The following PSD3 variants were observed in gnomAD, a reference collection of about 807,000 sequenced individuals.
PSD3 encodes pleckstrin and Sec7 domain containing 3.
Under a neutral mutation model 105.5 loss-of-function variants are expected in PSD3, and 49 were observed. That is an observed-to-expected ratio of 0.46 (90% CI 0.37 to 0.59). PSD3 has a LOEUF of 0.59. PSD3 is among the 20% of genes least tolerant of loss of function. The pLI, the probability that PSD3 is intolerant of heterozygous loss-of-function variation, is 0.00. For missense variants in PSD3, 1,561 were observed against 1,263.8 expected, an observed-to-expected ratio of 1.24 and a Z score of -3.57; for synonymous variants, 557 against 457.8, an observed-to-expected ratio of 1.22 and a Z score of -2.77.
intron 11 of PSD3, among the ~76,000 whole-genome samples, chr8:18,604,246 G>A (rs892907635): frequency 6.6e-6 from 1 of 152,210 alleles, no homozygotes; most frequent in Non-Finnish European, 1.5e-5. Flanking sequence ...AGATGGAAAT[G>A]AGGAACTTAC....
At chr8:18,592,134 C>A (rs1205105873) in intron 12 of PSD3, among the ~76,000 whole-genome samples, 9 of 151,750 alleles carry the variant, frequency 5.9e-5, no homozygotes, top group Non-Finnish European at 8.8e-5. Flanking sequence ...TAAAGATGCT[C>A]AACAAGCTAA....
intron 2 of PSD3, among the ~76,000 whole-genome samples, chr8:18,922,702 G>A (rs756550020): frequency 6.6e-6 from 1 of 152,102 alleles, no homozygotes; most frequent in Non-Finnish European, 1.5e-5. Context: ...TTTCACCTGC[G>A]CTTCTGACTG....
chr8:19,046,319 CCAGGATAG>C (rs1405838130), intron 1 of PSD3, among the ~76,000 whole-genome samples: 8 of 152,210 alleles, frequency 5.3e-5, no homozygotes, highest in Middle Eastern at 3.4e-3. Flanking sequence ...ACCATATTGG[CCAGGATAG>C]TCTCGAACTC....
chr8:18,912,462 T>C (rs1179109266), intron 2 of PSD3, among the ~76,000 whole-genome samples: 2 of 152,210 alleles, frequency 1.3e-5, no homozygotes, highest in South Asian at 2.1e-4. Flanking sequence ...AATTTCTTTC[T>C]AAGCTTTCAG....
intron 1 of PSD3, among the ~76,000 whole-genome samples, chr8:19,023,228 T>G (rs1827421291): frequency 6.6e-6 from 1 of 152,192 alleles, no homozygotes; most frequent in African/African-American, 2.4e-5. Context: ...GTATTTCCTA[T>G]TTCTCACAGC....
At chr8:18,977,426 G>C (rs1471404116) in intron 1 of PSD3, among the ~76,000 whole-genome samples, 1 of 152,052 alleles carries the variant, frequency 6.6e-6, no homozygotes, top group Non-Finnish European at 1.5e-5. Context: ...GATTAAAGGA[G>C]CTAACAGATA....
intron 8 of PSD3, among the ~76,000 whole-genome samples, chr8:18,797,929 C>T (rs777260387): frequency 1.4e-4 from 21 of 152,014 alleles, no homozygotes; most frequent in Non-Finnish European, 2.4e-4. Flanking sequence ...TGTGGCCAAA[C>T]GCACTCAAAA....
chr8:18,850,815 G>T (rs1000646607), intron 4 of PSD3, among the ~76,000 whole-genome samples: 12 of 152,132 alleles, frequency 7.9e-5, no homozygotes, highest in African/African-American at 2.9e-4. Context: ...GACCAACAGA[G>T]GTTCCCCTGC....
chr8:18,643,338 A>T (rs1208306651), intron 10 of PSD3, among the ~76,000 whole-genome samples: 1 of 152,204 alleles, frequency 6.6e-6, no homozygotes, highest in African/African-American at 2.4e-5. Flanking sequence ...GACATATTCA[A>T]ACCATAGTAT....
chr8:18,615,297 C>T (rs955578180), intron 11 of PSD3, among the ~76,000 whole-genome samples: 3 of 152,120 alleles, frequency 2.0e-5, no homozygotes, highest in African/African-American at 7.2e-5. Context: ...CCAAAGCACT[C>T]ACCCAGTGAC....
intron 1 of PSD3, among the ~76,000 whole-genome samples, chr8:18,957,295 A>G (rs1163150649): frequency 6.6e-6 from 1 of 151,496 alleles, no homozygotes; most frequent in Non-Finnish European, 1.5e-5. Flanking sequence ...CACTTGAACC[A>G]GGGAGGCGGA....
chr8:18,645,172 C>T (rs953252374), intron 10 of PSD3, among the ~76,000 whole-genome samples: 9 of 152,208 alleles, frequency 5.9e-5, no homozygotes, highest in Admixed American at 4.6e-4. Context: ...CCTCCTAACA[C>T]TGCATTGGGG....
intron 9 of PSD3, among the ~76,000 whole-genome samples, chr8:18,707,566 A>G (rs1412280243): frequency 1.3e-5 from 2 of 152,214 alleles, no homozygotes; most frequent in Non-Finnish European, 2.9e-5. Context: ...AAAAAGTGCA[A>G]GACTATGAGA....
At chr8:18,579,370 C>A (rs1335419062) in intron 12 of PSD3, among the ~76,000 whole-genome samples, 2 of 152,036 alleles carry the variant, frequency 1.3e-5, no homozygotes, top group Non-Finnish European at 2.9e-5. Context: ...AAGATAAATC[C>A]AATCAAGAAA....
intron 9 of PSD3, among the ~76,000 whole-genome samples, chr8:18,673,621 C>G (rs149492705): frequency 6.6e-6 from 1 of 152,154 alleles, no homozygotes; most frequent in Non-Finnish European, 1.5e-5. Context: ...TCCCTCTCCC[C>G]CTCTGCTCTA....
At chr8:18,988,014 A>G (rs907934468) in intron 1 of PSD3, among the ~76,000 whole-genome samples, 1 of 146,242 alleles carries the variant, frequency 6.8e-6, no homozygotes, top group Non-Finnish European at 1.5e-5. Flanking sequence ...CGAACAAAAC[A>G]AAGCCCTTAA....
At chr8:18,702,979 G>C (rs1229359836) in intron 9 of PSD3, among the ~76,000 whole-genome samples, 1 of 151,980 alleles carries the variant, frequency 6.6e-6, no homozygotes, top group East Asian at 1.9e-4. Flanking sequence ...CCATTTTCAT[G>C]TTCTCCTAAA....
At chr8:18,907,227 C>T (rs1819905171) in intron 2 of PSD3, among the ~76,000 whole-genome samples, 1 of 152,162 alleles carries the variant, frequency 6.6e-6, no homozygotes, top group Admixed American at 6.5e-5. Flanking sequence ...ATGTCCTAGG[C>T]CTTCATATTC....
At chr8:18,614,807 T>G (rs34526501) in intron 11 of PSD3, among the ~76,000 whole-genome samples, 3,511 of 95,142 alleles carry the variant, frequency 0.037, 129 homozygotes, top group African/African-American at 0.12. Context: ...TTTTTTTTTG[T>G]TTTGTTTTCA....
Sources: allele counts gnomAD v4.1 joint callset (sites outside exome capture counted in the v4.1 genomes callset), GRCh38; gene constraint gnomAD v4.1.1; transcripts MANE v1.5; gene names NCBI Gene and HGNC (gene_info 2026-07-23, HGNC 2026-07-21).